Variants in PTPRD observed in about 807,000 individuals in gnomAD.
PTPRD encodes receptor-type tyrosine-protein phosphatase delta.
A neutral mutation model predicts 214.5 loss-of-function variants in PTPRD; 34 were observed. That is an observed-to-expected ratio of 0.16 (90% confidence interval 0.12 to 0.21). The LOEUF (loss-of-function observed/expected upper bound fraction) is 0.21. Ranked by LOEUF, PTPRD falls within the 10% of genes least tolerant of loss-of-function variation. The probability of loss-of-function intolerance (pLI) is 1.00; values close to 1 mark genes in which losing one functional copy is unlikely to be tolerated. For missense variants in PTPRD, 2,545 were observed against 2,398.7 expected, an observed-to-expected ratio of 1.06 and a Z score of -1.27; for synonymous variants, 1,128 against 845.7, an observed-to-expected ratio of 1.33 and a Z score of -5.79.
At chr9:9,130,661 ATATG>A (rs1414463206) in intron 10 of PTPRD, among the ~76,000 whole-genome samples, 1 of 152,162 alleles carries the variant, frequency 6.6e-6, no homozygotes, top group Non-Finnish European at 1.5e-5. Context: ...GAATCTCTAC[ATATG>A]TATGTAATAT....
intron 7 of PTPRD, among the ~76,000 whole-genome samples, chr9:9,715,343 T>G (rs1471085017): frequency 1.3e-5 from 2 of 152,196 alleles, no homozygotes; most frequent in Non-Finnish European, 2.9e-5. Flanking sequence ...AAATGTTTGT[T>G]GAATTGACTT....
intron 2 of PTPRD, among the ~76,000 whole-genome samples, chr9:10,356,584 A>G (rs2154463291): frequency 6.6e-6 from 1 of 152,328 alleles, no homozygotes; most frequent in African/African-American, 2.4e-5. Context: ...GCAGAGATGA[A>G]CATAATGCGT....
intron 11 of PTPRD, among the ~76,000 whole-genome samples, chr9:8,791,436 G>C (rs1172611974): frequency 6.6e-6 from 1 of 151,720 alleles, no homozygotes; most frequent in South Asian, 2.1e-4. Flanking sequence ...ATGTTGGTCA[G>C]GCTGGTCTCG....
At chr9:8,927,961 A>C (rs1417662291) in intron 11 of PTPRD, among the ~76,000 whole-genome samples, 1 of 152,192 alleles carries the variant, frequency 6.6e-6, no homozygotes. Flanking sequence ...ATGACCAGTG[A>C]TGATGAGCTT....
chr9:9,840,531 G>C (rs1185820126), intron 5 of PTPRD, among the ~76,000 whole-genome samples: 2 of 151,828 alleles, frequency 1.3e-5, no homozygotes, highest in African/African-American at 4.8e-5. Context: ...CATTTCATTG[G>C]AGTAAGGAGC....
chr9:10,298,250 A>G (rs1361973144), intron 3 of PTPRD, among the ~76,000 whole-genome samples: 2 of 152,148 alleles, frequency 1.3e-5, no homozygotes, highest in Non-Finnish European at 2.9e-5. Context: ...TCCCTAAAAT[A>G]GAAATCAGGT....
chr9:10,018,867 C>A lies in PTPRD; in HGVS notation c.-472+14851G>T, dbSNP rs180731234. On this transcript the variant is annotated intron_variant, in intron 4 of 45. Transcript: ENST00000381196. Reference sequence around the variant, plus strand: ...CCCGGCCAGAATTACATTTCTAATACACACATTGTTAATATGCACAATACT... The same window carrying A: ...CCCGGCCAGAATTACATTTCTAATAAACACATTGTTAATATGCACAATACT... 2.8e-3 allele frequency among the ~76,000 whole-genome samples: 422 copies of A among 152,238 alleles called. 2 individuals are homozygous for A. The highest frequency in any genetic ancestry group is 4.3e-3 in the Non-Finnish European group (295 of 68,012).
intron 10 of PTPRD, among the ~76,000 whole-genome samples, chr9:9,051,475 C>T (rs904970540): frequency 3.9e-5 from 6 of 152,050 alleles, no homozygotes; most frequent in Non-Finnish European, 7.4e-5. Flanking sequence ...TGAAATCCAA[C>T]CTTGGTGTCA....
intron 11 of PTPRD, among the ~76,000 whole-genome samples, chr9:8,924,354 A>C (rs2154274247): frequency 6.6e-6 from 1 of 152,312 alleles, no homozygotes; most frequent in East Asian, 1.9e-4. Flanking sequence ...TGGTACAAGG[A>C]GAGGTAGGAA....
At chr9:10,040,547 C>T (rs964060554) in intron 3 of PTPRD, among the ~76,000 whole-genome samples, 1 of 151,974 alleles carries the variant, frequency 6.6e-6, no homozygotes, top group Non-Finnish European at 1.5e-5. Context: ...AACAGACTAT[C>T]CAGCTATGTA....
intron 2 of PTPRD, among the ~76,000 whole-genome samples, chr9:10,468,784 T>C (rs10809095): frequency 0.47 from 71,411 of 151,994 alleles, 18,898 homozygotes; most frequent in Admixed American, 0.66. Flanking sequence ...ATATAAGGTA[T>C]TATGAGCAAA....
At chr9:10,006,542 C>T (rs866360157) in intron 4 of PTPRD, among the ~76,000 whole-genome samples, 2 of 151,970 alleles carry the variant, frequency 1.3e-5, no homozygotes, top group East Asian at 3.9e-4. Context: ...AGGGTATTAG[C>T]ATTTCTGCAG....
chr9:9,887,552 G>A (rs1347801378), intron 5 of PTPRD, among the ~76,000 whole-genome samples: 1 of 152,146 alleles, frequency 6.6e-6, no homozygotes, highest in Admixed American at 6.6e-5. Flanking sequence ...AACAACATTA[G>A]ATGTTAAACT....
At position 10,542,554 on chromosome 9, in the gene PTPRD, ATTAATTG is replaced by A. The variant is rs1393919315; in HGVS notation, c.-600+69837_-600+69843del. 9.5e-5 allele frequency among the ~76,000 whole-genome samples: 14 copies of A among 146,872 alleles called. 1 individual carries two copies. Among genetic ancestry groups the A allele is most frequent in the Admixed American group, 8.4e-4 (12 of 14,360 alleles). ...TAGTGATGTTGTCTTATTAGAATTA[ATTAATTG>A]TTATTATTTCACCTTATAAACATTT... On this transcript the variant is annotated intron_variant, in intron 2 of 45. Transcript: ENST00000381196.
intron 5 of PTPRD, among the ~76,000 whole-genome samples, chr9:9,915,161 A>G (rs1323220946): frequency 6.6e-6 from 1 of 152,278 alleles, no homozygotes; most frequent in East Asian, 1.9e-4. Flanking sequence ...AGACAACACA[A>G]ATGTGTCTAC....
chr9:9,041,866 A>T (rs2099640904), intron 10 of PTPRD, among the ~76,000 whole-genome samples: 1 of 152,210 alleles, frequency 6.6e-6, no homozygotes, highest in Non-Finnish European at 1.5e-5. Context: ...CTATCTAGGA[A>T]AAATAAAAGT....
chr9:9,845,174 A>ACTGC (rs1263509277), intron 5 of PTPRD, among the ~76,000 whole-genome samples: 10 of 88,578 alleles, frequency 1.1e-4, no homozygotes, highest in South Asian at 6.9e-4. Context: ...CAATATATAT[A>ACTGC]TATATATTGC....
chr9:8,820,688 G>A (rs760668229), intron 11 of PTPRD, among the ~76,000 whole-genome samples: 3 of 151,850 alleles, frequency 2.0e-5, no homozygotes, highest in East Asian at 1.9e-4. Context: ...ATTTCTCAGC[G>A]AACGCCTCCT....
chr9:9,952,885 T>C (rs1227569204), intron 4 of PTPRD, among the ~76,000 whole-genome samples: 2 of 152,082 alleles, frequency 1.3e-5, no homozygotes, highest in Admixed American at 6.5e-5. Context: ...CTATTTCCCT[T>C]AAAAATGTAA....
Sources: gnomAD v4.1 joint callset for allele counts (sites outside exome capture counted in the v4.1 genomes callset) on GRCh38, gnomAD v4.1.1 for gene constraint, MANE v1.5 for transcripts, NCBI Gene and HGNC (gene_info 2026-07-23, HGNC 2026-07-21) for gene names.